The following GALNTL6 variants were observed in gnomAD, a reference collection of about 807,000 sequenced individuals.
GALNTL6 encodes the protein polypeptide N-acetylgalactosaminyltransferase-like 6.
In GALNTL6, 46 loss-of-function variants were observed where a neutral mutation model predicts 73.7. The observed-to-expected ratio is 0.62, with a 90% CI of 0.49 to 0.80. The LOEUF is 0.80. GALNTL6 is among the 30% of genes least tolerant of loss of function. GALNTL6 has a pLI of 0.00. For synonymous variants in GALNTL6, 259 were observed against 263.7 expected (o/e 0.98, Z 0.17); for missense variants, 604 against 755.0 (o/e 0.80, Z 2.34).
At position 173,040,123 on chromosome 4, in the gene GALNTL6, G is replaced by T. The variant is rs779526662; in HGVS notation, c.*23G>T. 1.9e-6 allele frequency: 3 copies of T among 1,570,870 alleles called. No homozygotes were observed. In the East Asian group the frequency reaches 6.8e-5, roughly 35 times the overall value. Reference sequence around the variant, plus strand: ...TAGAAAGAAGAAAGGAAGAAAGAGTGATTACCTACAGGTTATAAATTAAAT... The same window carrying T: ...TAGAAAGAAGAAAGGAAGAAAGAGTTATTACCTACAGGTTATAAATTAAAT... On this transcript the variant is annotated 3_prime_UTR_variant, in exon 13 of 13. Transcript: ENST00000506823.
chr4:172,169,874 A>G (rs1353174890), intron 2 of GALNTL6, among the ~76,000 whole-genome samples: 1 of 152,212 alleles, frequency 6.6e-6, no homozygotes, highest in African/African-American at 2.4e-5. Flanking sequence ...AATAATGACT[A>G]TATTTAAGGA....
At chr4:171,857,561 G>T (rs1735726379) in intron 2 of GALNTL6, among the ~76,000 whole-genome samples, 1 of 152,136 alleles carries the variant, frequency 6.6e-6, no homozygotes, top group Non-Finnish European at 1.5e-5. Context: ...GTTGGGCATG[G>T]TTAATCCTTG....
chr4:171,953,666 A>T lies in GALNTL6; in HGVS notation c.138+138948A>T, dbSNP rs55812033. ...CTAGAAATAGAATTTGCAGCTTTAC[A>T]TTAAAATTGAGTATAATTGTATGAA... On this transcript the variant is annotated intron_variant, in intron 2 of 12. Coordinates refer to ENST00000506823, the MANE Select transcript of GALNTL6 (RefSeq NM_001034845.3). Among the ~76,000 whole-genome samples, 611 of 152,284 alleles carry T rather than the reference A, an allele frequency of 4.0e-3. 2 individuals carry two copies. The highest frequency in any genetic ancestry group is 7.0e-3 in the Non-Finnish European group (475 of 68,016).
At chr4:172,816,410 G>A (rs72708710) in intron 7 of GALNTL6, among the ~76,000 whole-genome samples, 5,354 of 152,142 alleles carry the variant, frequency 0.035, 153 homozygotes, top group Middle Eastern at 0.1. Flanking sequence ...GAAATTAGTG[G>A]GGCATTAACA....
intron 7 of GALNTL6, among the ~76,000 whole-genome samples, chr4:172,852,798 A>G (rs777217259): frequency 5.9e-5 from 9 of 152,190 alleles, no homozygotes; most frequent in Non-Finnish European, 1.2e-4. Context: ...CTGATAAAGA[A>G]ACCGGATCAA....
At chr4:172,957,433 G>C (rs773184816) in intron 10 of GALNTL6, among the ~76,000 whole-genome samples, 3 of 152,122 alleles carry the variant, frequency 2.0e-5, no homozygotes, top group African/African-American at 7.2e-5. Flanking sequence ...GTTTCAGCAG[G>C]GCAGCGGGGC....
chr4:172,131,658 G>C (rs185602735), intron 2 of GALNTL6, among the ~76,000 whole-genome samples: 19 of 151,622 alleles, frequency 1.3e-4, no homozygotes, highest in Admixed American at 8.5e-4. Context: ...TTTTACCACA[G>C]AATCTCAGAT....
intron 5 of GALNTL6, among the ~76,000 whole-genome samples, chr4:172,429,563 T>G (rs1333372562): frequency 6.6e-6 from 1 of 152,130 alleles, no homozygotes; most frequent in Non-Finnish European, 1.5e-5. Context: ...TACACAAAAC[T>G]AGAGCATAGC....
chr4:172,487,859 C>T (rs1015620459), intron 5 of GALNTL6, among the ~76,000 whole-genome samples: 2 of 152,184 alleles, frequency 1.3e-5, no homozygotes, highest in African/African-American at 4.8e-5. Context: ...CTCAACCCTA[C>T]ATGATCATAA....
At chr4:172,242,076 C>G (rs1737453825) in intron 3 of GALNTL6, among the ~76,000 whole-genome samples, 1 of 151,966 alleles carries the variant, frequency 6.6e-6, no homozygotes, top group South Asian at 2.1e-4. Context: ...GAAGAGCTAT[C>G]TAGTCGACAT....
At chr4:172,535,059 A>G (rs1220978716) in intron 5 of GALNTL6, among the ~76,000 whole-genome samples, 1 of 152,212 alleles carries the variant, frequency 6.6e-6, no homozygotes, top group Non-Finnish European at 1.5e-5. Flanking sequence ...TTCAAGGGCA[A>G]TTTATATCTG....
intron 5 of GALNTL6, among the ~76,000 whole-genome samples, chr4:172,569,584 C>T (rs982134980): frequency 3.3e-5 from 5 of 152,140 alleles, no homozygotes; most frequent in South Asian, 4.1e-4. Context: ...GGAGTTTACT[C>T]GGCATCAACA....
chr4:172,227,571 G>C (rs779327263), intron 2 of GALNTL6, among the ~76,000 whole-genome samples: 4 of 152,088 alleles, frequency 2.6e-5, no homozygotes, highest in Non-Finnish European at 5.9e-5. Context: ...CTGACAGTCA[G>C]ATATATAAAG....
chr4:172,068,841 C>T (rs1245467136), intron 2 of GALNTL6, among the ~76,000 whole-genome samples: 2 of 105,504 alleles, frequency 1.9e-5, no homozygotes, highest in Admixed American at 1.0e-4. Flanking sequence ...TCATTGAAGT[C>T]TTCTAACTTT....
chr4:172,810,283 A>C (rs1407646516), intron 6 of GALNTL6, among the ~76,000 whole-genome samples: 1 of 152,218 alleles, frequency 6.6e-6, no homozygotes, highest in East Asian at 1.9e-4. Flanking sequence ...GAAAACATAC[A>C]TGTGGTTCAG....
rs543458976 is a variant in GALNTL6, at chr4:172,813,578, A to T, written c.778A>T (p.Met260Leu). Reference protein sequence around the residue: ...ALNHKTIVCPMIDVIDHNHFG... With the variant: ...ALNHKTIVCPLIDVIDHNHFG... ...AAACCACAAAACCATCGTGTGTCCC[A>T]TGATCGATGTCATTGACCACAATCA... The change falls in exon 7 of 13, where the codon ATG becomes TTG. Residue 260 changes from methionine to leucine, a missense_variant. Coordinates refer to ENST00000506823, the MANE Select transcript of GALNTL6 (RefSeq NM_001034845.3). 1 of 1,612,382 alleles carries T rather than the reference A, an allele frequency of 6.2e-7. No individual in the cohort carries two copies. Among genetic ancestry groups the T allele is most frequent in the East Asian group, 2.2e-5 (1 of 44,826 alleles).
chr4:172,985,216 C>T (rs1003415629), intron 10 of GALNTL6, among the ~76,000 whole-genome samples: 1 of 151,980 alleles, frequency 6.6e-6, no homozygotes, highest in Non-Finnish European at 1.5e-5. Context: ...ATAGCAATCT[C>T]CCAGTTGTGT....
chr4:171,924,278 A>G (rs1477705500), intron 2 of GALNTL6, among the ~76,000 whole-genome samples: 3 of 152,066 alleles, frequency 2.0e-5, no homozygotes, highest in African/African-American at 7.2e-5. Flanking sequence ...AAATCAGGGA[A>G]GGAACATAAA....
rs116674581 is a variant in GALNTL6 at position 172,787,834 on chromosome 4, A to G, written c.554-21527A>G. Among the ~76,000 whole-genome samples, 689 of 152,310 alleles carry G rather than the reference A, an allele frequency of 4.5e-3. 5 individuals are homozygous for G. Among genetic ancestry groups the G allele is most frequent in the Non-Finnish European group, 7.6e-3 (520 of 68,022 alleles). Reference sequence around the variant, plus strand: ...GACACATTTTAGAATGTGTGTTTGCATTGACAGTGGAGGTCACCGCAACAG... The same window carrying G: ...GACACATTTTAGAATGTGTGTTTGCGTTGACAGTGGAGGTCACCGCAACAG... On this transcript the variant is annotated intron_variant, in intron 5 of 12. Transcript: ENST00000506823.
Sources: gnomAD v4.1 joint callset for allele counts (sites outside exome capture counted in the v4.1 genomes callset) on GRCh38, gnomAD v4.1.1 for gene constraint, MANE v1.5 for transcripts, NCBI Gene and HGNC (gene_info 2026-07-23, HGNC 2026-07-21) for gene names.